The following UST variants were observed in gnomAD, a reference collection of about 807,000 sequenced individuals.
UST encodes the protein chondroitin sulfate 2-O-sulfotransferase.
Under a neutral mutation model 45.6 loss-of-function variants are expected in UST, and 21 were observed. That is an observed-to-expected ratio of 0.46 (90% confidence interval 0.33 to 0.66). The LOEUF (loss-of-function observed/expected upper bound fraction) is 0.66. Ranked by LOEUF, UST falls within the 30% of genes least tolerant of loss-of-function variation. UST has a pLI of 0.02. For synonymous variants in UST, 215 were observed against 200.6 expected (o/e 1.07, Z -0.61); for missense variants, 463 against 512.4 (o/e 0.90, Z 0.93).
At chr6:148,803,637 C>G (rs572583333) in intron 1 of UST, among the ~76,000 whole-genome samples, 1 of 152,212 alleles carries the variant, frequency 6.6e-6, no homozygotes, top group African/African-American at 2.4e-5. Flanking sequence ...AAATGTAAAT[C>G]AGATAAAGCC....
intron 1 of UST, among the ~76,000 whole-genome samples, chr6:148,813,079 T>C (rs1417171481): frequency 6.6e-6 from 1 of 152,254 alleles, no homozygotes; most frequent in Non-Finnish European, 1.5e-5. Flanking sequence ...CACACACATG[T>C]ATTTACATTG....
chr6:149,056,117 C>CTTTTTTTTTTTTTTTTTTTTTT (rs34191810), intron 7 of UST, among the ~76,000 whole-genome samples: 1 of 81,088 alleles, frequency 1.2e-5, no homozygotes, highest in Non-Finnish European at 2.3e-5. Flanking sequence ...CTTTTCTTTT[C>CTTTTTTTTTTTTTTTTTTTTTT]TTTTTTTTTT....
chr6:149,001,006 A>G (rs184286161), intron 5 of UST, among the ~76,000 whole-genome samples: 4 of 152,310 alleles, frequency 2.6e-5, no homozygotes, highest in Admixed American at 2.6e-4. Context: ...AAGAGAATAG[A>G]AAAATGTTAG....
At chr6:148,857,079 T>C (rs994944010) in intron 1 of UST, among the ~76,000 whole-genome samples, 10 of 151,860 alleles carry the variant, frequency 6.6e-5, no homozygotes, top group Admixed American at 6.6e-4. Context: ...TAGTATGTCA[T>C]CTTAGAATTT....
intron 5 of UST, among the ~76,000 whole-genome samples, chr6:148,974,242 A>G (rs375511709): frequency 3.3e-5 from 5 of 152,162 alleles, no homozygotes; most frequent in African/African-American, 1.2e-4. Flanking sequence ...CTTCAGAATA[A>G]GCTTGGATAG....
chr6:148,749,183 T>C (rs1441296878), intron 1 of UST, among the ~76,000 whole-genome samples: 1 of 152,216 alleles, frequency 6.6e-6, no homozygotes, highest in East Asian at 1.9e-4. Flanking sequence ...TGGGGCAATA[T>C]ATCCTTTATT....
intron 7 of UST, among the ~76,000 whole-genome samples, chr6:149,062,265 A>G (rs1482494272): frequency 6.6e-6 from 1 of 152,258 alleles, no homozygotes; most frequent in Non-Finnish European, 1.5e-5. Context: ...CCTACTATCC[A>G]GAAATTCAAT....
At chr6:149,001,190 G>C (rs1781544495) in intron 5 of UST, among the ~76,000 whole-genome samples, 1 of 151,422 alleles carries the variant, frequency 6.6e-6, no homozygotes, top group South Asian at 2.1e-4. Flanking sequence ...TCCTGCGTCA[G>C]CCTCCTGAGT....
At chr6:148,897,948 G>GT (rs1326583107) in intron 2 of UST, among the ~76,000 whole-genome samples, 1 of 151,890 alleles carries the variant, frequency 6.6e-6, no homozygotes, top group Non-Finnish European at 1.5e-5. Flanking sequence ...CTGCCATTTT[G>GT]TTTTTTCCTA....
At position 149,075,103 on chromosome 6, in the gene UST, A is replaced by C. The variant is rs944868158; in HGVS notation, c.*987A>C. ...GGGCATGGCTGTGTCTTTTGCACCC[A>C]ATATGAAACATCTTCTCCCAACACT... On this transcript the variant is annotated 3_prime_UTR_variant, in exon 8 of 8. Coordinates refer to ENST00000367463, the MANE Select transcript of UST (RefSeq NM_005715.3). 7.2e-5 allele frequency: 11 copies of C among 152,248 alleles called. No individual in the cohort carries two copies. Among genetic ancestry groups the C allele is most frequent in the African/African-American group, 2.7e-4 (11 of 41,462 alleles). 9.4% of individuals were successfully genotyped at this position (152,248 alleles called of 1,614,324 possible).
chr6:148,815,992 C>A (rs1777347035), intron 1 of UST, among the ~76,000 whole-genome samples: 1 of 152,114 alleles, frequency 6.6e-6, no homozygotes, highest in Non-Finnish European at 1.5e-5. Flanking sequence ...GAGCTACAGA[C>A]CTGATGTGTT....
At chr6:148,870,764 G>A (rs1031864462) in intron 1 of UST, among the ~76,000 whole-genome samples, 1 of 152,116 alleles carries the variant, frequency 6.6e-6, no homozygotes, top group African/African-American at 2.4e-5. Flanking sequence ...ACCATCTCCT[G>A]GGATGCTCTC....
rs1249994427 is a variant in UST at position 148,748,461 on chromosome 6, A to G, written c.247+784A>G. 7.5e-6 allele frequency among the ~76,000 whole-genome samples: 1 copy of G among 134,226 alleles called. No individual in the cohort carries two copies. Among genetic ancestry groups the G allele is most frequent in the Non-Finnish European group, 1.6e-5 (1 of 63,748 alleles). The allele number at this position is 134,226 out of a possible 152,430, so 88.1% of individuals were successfully genotyped here. A position where few individuals can be genotyped will look rare whatever the true frequency, so the allele number is the denominator to read the frequency against. On this transcript the variant is annotated intron_variant, in intron 1 of 7. Coordinates refer to ENST00000367463, the MANE Select transcript of UST (RefSeq NM_005715.3). This position sits in a 1 kb window ranked among gnomAD's most constrained non-coding sequence, Gnocchi z 5.3. ...TGTGTGTGTGTGTGTGTGGTTTATT[A>G]GGAGAGAGGCCGCCTGTCTTTAGCA...
At chr6:148,749,517 G>A (rs1775947186) in intron 1 of UST, among the ~76,000 whole-genome samples, 1 of 151,918 alleles carries the variant, frequency 6.6e-6, no homozygotes, top group Admixed American at 6.6e-5. Flanking sequence ...GACTTCATAG[G>A]CCTGGTGTTT....
At chr6:148,986,567 T>C (rs1296438684) in intron 5 of UST, among the ~76,000 whole-genome samples, 2 of 152,220 alleles carry the variant, frequency 1.3e-5, no homozygotes, top group African/African-American at 4.8e-5. Context: ...ATCAGTCCTT[T>C]GTTTGTTTGC....
At chr6:148,993,116 A>C (rs2114994457) in intron 5 of UST, 1 of 966,970 alleles carries the variant, frequency 1.0e-6, no homozygotes, top group Non-Finnish European at 1.2e-6. Context: ...TAACATCTTA[A>C]ATGCCCAAAT....
Position 148,790,889 on chromosome 6 carries a change from C to T in UST, c.247+43212C>T, listed in dbSNP as rs1167764361. 6.6e-6 allele frequency among the ~76,000 whole-genome samples: 1 copy of T among 152,228 alleles called. No individual in the cohort carries two copies. The highest frequency in any genetic ancestry group is 1.5e-5 in the Non-Finnish European group (1 of 68,038). ...AGTTTGCCTTCTCTCTCTGCCCGTTCCTGCGTCTCCACTCCTTTGTAGGTT... is the reference window on the plus strand; with the variant it reads ...AGTTTGCCTTCTCTCTCTGCCCGTTTCTGCGTCTCCACTCCTTTGTAGGTT... On this transcript the variant is annotated intron_variant, in intron 1 of 7. Coordinates refer to ENST00000367463, the MANE Select transcript of UST (RefSeq NM_005715.3). This position sits in a 1 kb window ranked among gnomAD's most constrained non-coding sequence, Gnocchi z 4.2.
In UST at chr6:148,748,471, C is replaced by CCG. The variant is rs1775923754; in HGVS notation, c.247+796_247+797dup. Reference sequence around the variant, plus strand: ...TGTGTGTGGTTTATTAGGAGAGAGGCCGCCTGTCTTTAGCAGAAGTAAGGA... The same window carrying CCG: ...TGTGTGTGGTTTATTAGGAGAGAGGCCGCGCCTGTCTTTAGCAGAAGTAAGGA... On this transcript the variant is annotated intron_variant, in intron 1 of 7. Transcript: ENST00000367463. The surrounding 1 kb of genome is among the most constrained non-coding windows in gnomAD (Gnocchi z 5.3). Among the ~76,000 whole-genome samples, 4 of 146,488 alleles carry CCG rather than the reference C, an allele frequency of 2.7e-5. No individual in the cohort carries two copies. The highest frequency in any genetic ancestry group is 1.0e-4 in the African/African-American group (4 of 39,264).
intron 5 of UST, among the ~76,000 whole-genome samples, chr6:149,009,794 G>C (rs1775774102): frequency 1.3e-5 from 2 of 151,490 alleles, no homozygotes; most frequent in African/African-American, 4.9e-5. Flanking sequence ...TAGAACAAGA[G>C]ACAGTTGCTT....
Sources: gnomAD v4.1 joint callset for allele counts (sites outside exome capture counted in the v4.1 genomes callset) on GRCh38, gnomAD v4.1.1 for gene constraint, Gnocchi (gnomAD v3.1) non-coding constraint, MANE v1.5 for transcripts, NCBI Gene and HGNC (gene_info 2026-07-23, HGNC 2026-07-21) for gene names.